Variants in GFM2 observed in about 807,000 individuals in gnomAD.
The protein encoded by GFM2 is GTP dependent ribosome recycling factor mitochondrial 2.
GFM2 carries 72 observed loss-of-function variants against 95.4 expected under a neutral mutation model. The ratio of observed to expected loss-of-function variants is 0.76; its 90% CI spans 0.62 to 0.92. The LOEUF (loss-of-function observed/expected upper bound fraction) is 0.92, where lower values mean the gene tolerates loss of function less well. GFM2 is among the 40% of genes least tolerant of loss of function. The pLI, the probability that GFM2 is intolerant of heterozygous loss-of-function variation, is 0.00. For synonymous variants in GFM2, 276 were observed against 317.5 expected (o/e 0.87, Z 1.39); for missense variants, 825 against 924.1 (o/e 0.89, Z 1.39).
chr5:74,721,647 T>A lies in GFM2; in HGVS notation c.*8A>T. 1.2e-6 allele frequency: 2 copies of A among 1,606,012 alleles called. No homozygotes were observed. The highest frequency in any genetic ancestry group is 1.7e-6 in the Non-Finnish European group (2 of 1,177,714). ...TGCTCCTGAATTTCTCTCCAAAAAC[T>A]AAAACATTTAGGTCAAACCACTTCT... On this transcript the variant is annotated 3_prime_UTR_variant, in exon 21 of 21. Coordinates refer to ENST00000296805, the MANE Select transcript of GFM2 (RefSeq NM_032380.5).
At chr5:74,722,719 T>G (rs1434452476) in intron 19 of GFM2, 158 bp from the exon 20 acceptor site, 4 of 575,016 alleles carry the variant, frequency 7.0e-6, no homozygotes, top group Non-Finnish European at 1.2e-5. Flanking sequence ...GCTTGTATAA[T>G]AAGCATGATA....
rs1175690285 is a variant in GFM2 at position 74,736,890 on chromosome 5, G to C, written c.1416C>G (p.Asn472Lys). ...CCAATAAAAGTCTCTCTGCTTCATT[G>C]TTTTGTCTGTGCTTCTTTTCTCCCT... Reference protein sequence around the residue: ...EREGEKKHRQNNEAERLLLAG... With the variant: ...EREGEKKHRQKNEAERLLLAG... The change falls in exon 15 of 21, where the codon AAC (asparagine) becomes AAG (lysine). Residue 472 changes from asparagine to lysine, a missense_variant. By Grantham distance (94) the Asn-to-Lys change is moderately conservative (BLOSUM62 0). Transcript: ENST00000296805. The C allele has an allele frequency of 6.2e-7, 1 of 1,613,880 alleles. No individual in the cohort carries two copies.
At chr5:74,746,569 G>C (rs1224318214) in intron 8 of GFM2, among the ~76,000 whole-genome samples, 1 of 152,166 alleles carries the variant, frequency 6.6e-6, no homozygotes, top group African/African-American at 2.4e-5. Flanking sequence ...AAGGCAACTA[G>C]CTTTCTTCCA....
chr5:74,721,989 T>C (rs368740628), intron 20 of GFM2, among the ~76,000 whole-genome samples: 6 of 152,180 alleles, frequency 3.9e-5, no homozygotes, highest in East Asian at 3.9e-4. Flanking sequence ...GTAGTGCAAG[T>C]GTGCTGCAGA....
rs145221708 is a variant in GFM2 at position 74,736,922 on chromosome 5, C to T, written c.1384G>A (p.Glu462Lys). Residue 462 changes from glutamate (E) to lysine (K), a missense_variant, in exon 15 of 21, where the codon GAA becomes AAA. Coordinates refer to ENST00000296805, the MANE Select transcript of GFM2 (RefSeq NM_032380.5). ...SSALAAARRA[E>K]REGEKKHRQN... ...CTGTGCTTCTTTTCTCCCTCCCGTTCGGCTCTACGAGCTGCAGCTAATGCA... is the reference window on the plus strand; with the variant it reads ...CTGTGCTTCTTTTCTCCCTCCCGTTTGGCTCTACGAGCTGCAGCTAATGCA... 4.6e-5 allele frequency: 75 copies of T among 1,613,618 alleles called. 1 individual carries two copies. The Admixed American group carries it at 5.5e-4, about 12-fold the overall frequency.
At chr5:74,727,483 C>T (rs1389396425) in intron 17 of GFM2, among the ~76,000 whole-genome samples, 2 of 152,200 alleles carry the variant, frequency 1.3e-5, no homozygotes, top group Non-Finnish European at 2.9e-5. Flanking sequence ...TCCAGCCCTA[C>T]TCCCCAACTT....
chr5:74,723,419 T>A (rs903389785), intron 19 of GFM2, among the ~76,000 whole-genome samples: 1 of 152,204 alleles, frequency 6.6e-6, no homozygotes, highest in Non-Finnish European at 1.5e-5. Flanking sequence ...CTTTTTCTGA[T>A]GATGACATCA....
chr5:74,751,522 G>C, intron 5 of GFM2, 29 bp from the exon 6 acceptor site: 1 of 1,566,074 alleles, frequency 6.4e-7, no homozygotes, highest in Non-Finnish European at 8.8e-7. Flanking sequence ...ATACAGTTTA[G>C]TCTTAATAGC....
chr5:74,753,179 G>A (rs528437291), intron 5 of GFM2, among the ~76,000 whole-genome samples: 3 of 152,172 alleles, frequency 2.0e-5, no homozygotes, highest in South Asian at 4.2e-4. Context: ...GGATATGAAC[G>A]GAAAAATCTC....
chr5:74,733,224 C>G, intron 15 of GFM2, 126 bp from the exon 16 acceptor site: 1 of 643,422 alleles, frequency 1.6e-6, no homozygotes. Context: ...GGTGTGGTGA[C>G]TCACGTCTGT....
At chr5:74,764,217 T>TA (rs1205641993) in intron 1 of GFM2, among the ~76,000 whole-genome samples, 3 of 152,208 alleles carry the variant, frequency 2.0e-5, no homozygotes, top group Non-Finnish European at 2.9e-5. Flanking sequence ...CTAAATCATG[T>TA]AAAAAATATA....
In GFM2 at chr5:74,750,605, C is replaced by T. The variant is rs773615422; in HGVS notation, c.493G>A (p.Val165Ile). ...CLRVLDGAVA[V>I]FDASAGVEAQ... ...TCTACACCAGCAGAGGCATCAAATA[C>T]AGCCACTGCACCATCCAACACTCTT... Residue 165 changes from valine to isoleucine, a missense_variant, in exon 7 of 21, where the codon GTA becomes ATA. Transcript: ENST00000296805. 4 of 1,612,628 alleles carry T rather than the reference C, an allele frequency of 2.5e-6. No homozygotes were observed. Among genetic ancestry groups the T allele is most frequent in the Non-Finnish European group, 3.4e-6 (4 of 1,178,880 alleles).
At chr5:74,731,454 G>A (rs1334126092) in intron 16 of GFM2, among the ~76,000 whole-genome samples, 2 of 152,138 alleles carry the variant, frequency 1.3e-5, no homozygotes, top group Admixed American at 6.5e-5. Context: ...CCAAAGGCTC[G>A]GGTGAGCTTC....
At chr5:74,762,156 A>T (rs932067620) in intron 2 of GFM2, among the ~76,000 whole-genome samples, 2 of 152,192 alleles carry the variant, frequency 1.3e-5, no homozygotes, top group Non-Finnish European at 2.9e-5. Flanking sequence ...AGCAAAAAAA[A>T]ATTGTAGATG....
At chr5:74,724,263 G>A (rs1750047790) in intron 19 of GFM2, among the ~76,000 whole-genome samples, 1 of 151,970 alleles carries the variant, frequency 6.6e-6, no homozygotes, top group South Asian at 2.1e-4. Context: ...GAGGGCTTGG[G>A]GTCAATTTAG....
chr5:74,728,770 T>TTTTTTTTTTG (rs756604027), intron 17 of GFM2, among the ~76,000 whole-genome samples: 10 of 113,792 alleles, frequency 8.8e-5, no homozygotes, highest in African/African-American at 1.6e-4. Context: ...TTTTTTTTTT[T>TTTTTTTTTTG]TTTTGAGATG....
At chr5:74,724,473 TA>T (rs113558874) in intron 19 of GFM2, among the ~76,000 whole-genome samples, 26,359 of 133,004 alleles carry the variant, frequency 0.2, 3,029 homozygotes, top group African/African-American at 0.36. Flanking sequence ...CCTTGTCTCT[TA>T]AAAAAAAAAA....
intron 10 of GFM2, among the ~76,000 whole-genome samples, chr5:74,744,519 T>C (rs1743282897): frequency 6.6e-6 from 1 of 152,126 alleles, no homozygotes; most frequent in Non-Finnish European, 1.5e-5. Context: ...GTTTTATTTA[T>C]TGCCATATAT....
At position 74,725,637 on chromosome 5, in the gene GFM2, T is replaced by C. The variant is rs1750109717; in HGVS notation, c.2028+3A>G. On this transcript the variant is annotated splice_donor_region_variant and intron_variant, in intron 19 of 20. Coordinates refer to ENST00000296805, the MANE Select transcript of GFM2 (RefSeq NM_032380.5). ...AGCCATAAGGATTAGGATAGTTCTA[T>C]ACCTTTTGCACGCATCTTGAGACAC... 17 of 1,590,080 alleles carry C rather than the reference T, an allele frequency of 1.1e-5. No individual in the cohort carries two copies. The highest frequency in any genetic ancestry group is 1.5e-5 in the Non-Finnish European group (17 of 1,158,270).
Sources: allele counts gnomAD v4.1 joint callset (sites outside exome capture counted in the v4.1 genomes callset), GRCh38; gene constraint gnomAD v4.1.1; transcripts MANE v1.5; gene names NCBI Gene and HGNC (gene_info 2026-07-23, HGNC 2026-07-21).